MACROD2: variants seen among roughly 807,000 people sequenced by gnomAD.
MACROD2 encodes the protein mono-ADP ribosylhydrolase 2.
In MACROD2, 36 loss-of-function variants were observed where a neutral mutation model predicts 70.4. That is an observed-to-expected ratio of 0.51 (90% CI 0.39 to 0.68). The LOEUF (loss-of-function observed/expected upper bound fraction) is 0.68. MACROD2 is among the 30% of genes least tolerant of loss of function. MACROD2 has a pLI of 0.00. For synonymous variants in MACROD2, 172 were observed against 178.8 expected, an observed-to-expected ratio of 0.96 and a Z score of 0.30; for missense variants, 496 against 538.4, an observed-to-expected ratio of 0.92 and a Z score of 0.78.
At chr20:15,799,930 A>T (rs1368146456) in intron 8 of MACROD2, among the ~76,000 whole-genome samples, 2 of 151,982 alleles carry the variant, frequency 1.3e-5, no homozygotes, top group Non-Finnish European at 2.9e-5. Context: ...CCTTGTCAAC[A>T]CTTTTTTTTC....
At chr20:14,984,594 C>A (rs1042734013) in intron 5 of MACROD2, among the ~76,000 whole-genome samples, 7 of 152,034 alleles carry the variant, frequency 4.6e-5, no homozygotes, top group African/African-American at 1.7e-4. Context: ...CAGGGGTGGG[C>A]AAGTTGTCAA....
chr20:15,347,340 C>G (rs1196074513), intron 6 of MACROD2, among the ~76,000 whole-genome samples: 2 of 152,018 alleles, frequency 1.3e-5, no homozygotes, highest in Non-Finnish European at 2.9e-5. Context: ...TTGGTTTTTA[C>G]TTATTAGAAA....
intron 5 of MACROD2, among the ~76,000 whole-genome samples, chr20:14,947,542 T>C (rs776065403): frequency 6.6e-6 from 1 of 152,144 alleles, no homozygotes; most frequent in Admixed American, 6.5e-5. Flanking sequence ...ATAGTAATAA[T>C]ATTGGTGCTA....
intron 4 of MACROD2, among the ~76,000 whole-genome samples, chr20:14,528,869 C>T (rs1433260483): frequency 6.6e-6 from 1 of 152,144 alleles, no homozygotes; most frequent in Admixed American, 6.5e-5. Flanking sequence ...AATTTGACCC[C>T]TCTACCCACC....
chr20:15,527,413 G>A (rs745956532), intron 8 of MACROD2, among the ~76,000 whole-genome samples: 3 of 152,130 alleles, frequency 2.0e-5, no homozygotes, highest in Admixed American at 6.5e-5. Flanking sequence ...TAAAGCATCC[G>A]TGTTGAATGT....
intron 13 of MACROD2, among the ~76,000 whole-genome samples, chr20:15,979,885 G>A (rs939472143): frequency 1.9e-4 from 29 of 152,084 alleles, no homozygotes; most frequent in African/African-American, 2.9e-4. Flanking sequence ...AGGACGAGCC[G>A]CAGACAAAAC....
At chr20:14,797,246 C>T (rs1263208169) in intron 5 of MACROD2, among the ~76,000 whole-genome samples, 3 of 151,974 alleles carry the variant, frequency 2.0e-5, no homozygotes, top group Admixed American at 6.6e-5. Flanking sequence ...TTTCCTAGAC[C>T]GCAGTCAGAA....
chr20:14,602,647 C>T (rs1367521655), intron 4 of MACROD2, among the ~76,000 whole-genome samples: 5 of 152,272 alleles, frequency 3.3e-5, no homozygotes, highest in South Asian at 2.1e-4. Context: ...AAGATTTCAC[C>T]TAAAACTTTA....
chr20:14,441,541 C>T (rs4814306), intron 3 of MACROD2, among the ~76,000 whole-genome samples: 20,635 of 152,134 alleles, frequency 0.14, 1,598 homozygotes, highest in East Asian at 0.31. Context: ...CTGTAGTGAC[C>T]GTTTTCTCTC....
intron 7 of MACROD2, among the ~76,000 whole-genome samples, chr20:15,446,839 G>C (rs2046572513): frequency 6.6e-6 from 1 of 152,064 alleles, no homozygotes; most frequent in Non-Finnish European, 1.5e-5. Context: ...GTGCACAGTT[G>C]CTGTTTTCCC....
At chr20:15,379,312 G>A (rs796712875) in intron 6 of MACROD2, among the ~76,000 whole-genome samples, 51 of 151,982 alleles carry the variant, frequency 3.4e-4, no homozygotes, top group African/African-American at 1.2e-3. Context: ...CATATTAAAG[G>A]ACATTCTATA....
At chr20:15,515,365 G>A (rs372829073) in intron 8 of MACROD2, among the ~76,000 whole-genome samples, 16 of 152,296 alleles carry the variant, frequency 1.1e-4, no homozygotes, top group African/African-American at 3.8e-4. Flanking sequence ...ATTTCTCAGC[G>A]ATCAGTGCTG....
chr20:15,360,039 C>G lies in MACROD2; in HGVS notation c.541-71366C>G, dbSNP rs527566294. On this transcript the variant is annotated intron_variant, in intron 6 of 17. Transcript: ENST00000684519. The stretch of plus-strand genomic sequence containing the variant: ...CACCATCTCTAACACCTGACAATCA[C>G]AAATCTATCTACCCTCTCTATAATT... 4.6e-5 allele frequency among the ~76,000 whole-genome samples: 7 copies of G among 152,242 alleles called. No homozygotes were observed. The South Asian group carries it at 1.5e-3, about 32-fold the overall frequency.
chr20:14,538,486 A>G (rs1326313455), intron 4 of MACROD2, among the ~76,000 whole-genome samples: 1 of 151,932 alleles, frequency 6.6e-6, no homozygotes, highest in South Asian at 2.1e-4. Context: ...CCTGCCTAAC[A>G]CTCTCTAATG....
rs562734377 is a variant in MACROD2, at chr20:15,635,911, T to C, written c.645+136064T>C. 2.8e-4 allele frequency among the ~76,000 whole-genome samples: 42 copies of C among 150,882 alleles called. 1 individual carries two copies. The South Asian group carries it at 8.0e-3, about 29-fold the overall frequency. Reference sequence around the variant, plus strand: ...GGCAAAACCCCATCTCTTCTAAAAATACAAAAATTAGCTGGGCGTGGTGGT... The same window carrying C: ...GGCAAAACCCCATCTCTTCTAAAAACACAAAAATTAGCTGGGCGTGGTGGT... On this transcript the variant is annotated intron_variant, in intron 8 of 17. Coordinates refer to ENST00000684519, the MANE Select transcript of MACROD2 (RefSeq NM_001351661.2).
At chr20:14,176,104 A>G (rs1341314168) in intron 3 of MACROD2, among the ~76,000 whole-genome samples, 1 of 152,194 alleles carries the variant, frequency 6.6e-6, no homozygotes, top group Non-Finnish European at 1.5e-5. Flanking sequence ...GGACTTCCCA[A>G]TGCCATTACC....
At chr20:15,818,958 C>T (rs905256107) in intron 8 of MACROD2, among the ~76,000 whole-genome samples, 9 of 151,864 alleles carry the variant, frequency 5.9e-5, no homozygotes, top group Admixed American at 1.3e-4. Flanking sequence ...AAGTCAAAGC[C>T]GTGAAGTTAT....
At position 14,041,698 on chromosome 20, in the gene MACROD2, A is replaced by G. The variant is rs186452699; in HGVS notation, c.163+39294A>G. ...ATCTGGTTTCTGAGTAGAAAAGTAG[A>G]CTTGCTTACAAATTCACCTAGCTTA... On this transcript the variant is annotated intron_variant, in intron 2 of 17. Coordinates refer to ENST00000684519, the MANE Select transcript of MACROD2 (RefSeq NM_001351661.2). 6.6e-5 allele frequency among the ~76,000 whole-genome samples: 10 copies of G among 152,308 alleles called. No homozygotes were observed. The East Asian group carries it at 1.5e-3, about 24-fold the overall frequency.
intron 2 of MACROD2, 68 bp downstream of exon 2, chr20:14,002,472 A>T: frequency 1.1e-6 from 1 of 884,316 alleles, no homozygotes; most frequent in East Asian, 2.5e-5. Flanking sequence ...GACAGAAATG[A>T]ATAACTGGCG....
Sources: gnomAD v4.1 joint callset for allele counts (sites outside exome capture counted in the v4.1 genomes callset) on GRCh38, gnomAD v4.1.1 for gene constraint, MANE v1.5 for transcripts, NCBI Gene and HGNC (gene_info 2026-07-23, HGNC 2026-07-21) for gene names.